Variants in TMPRSS11A observed in about 807,000 individuals in gnomAD.
TMPRSS11A encodes the protein transmembrane protease serine 11A.
Under a neutral mutation model 58.9 loss-of-function variants are expected in TMPRSS11A, and 53 were observed. The ratio of observed to expected loss-of-function variants is 0.90; its 90% confidence interval spans 0.72 to 1.13. TMPRSS11A has a LOEUF of 1.13. Ranked by LOEUF, TMPRSS11A falls within the 50% of genes most tolerant of loss-of-function variation. The pLI is 0.00. For missense variants in TMPRSS11A, 493 were observed against 499.3 expected, an observed-to-expected ratio of 0.99 and a Z score of 0.12; for synonymous variants, 167 against 169.8, an observed-to-expected ratio of 0.98 and a Z score of 0.13.
chr4:67,948,713 C>T (rs1428288340), intron 1 of TMPRSS11A, among the ~76,000 whole-genome samples: 1 of 152,140 alleles, frequency 6.6e-6, no homozygotes, highest in South Asian at 2.1e-4. Context: ...AATAGAACAA[C>T]AAACAGAAGT....
chr4:67,935,513 T>A (rs1247781754), intron 3 of TMPRSS11A, among the ~76,000 whole-genome samples: 1 of 152,138 alleles, frequency 6.6e-6, no homozygotes, highest in Non-Finnish European at 1.5e-5. Context: ...AAACATATAT[T>A]ATATATTTAT....
chr4:67,952,859 C>A (rs1021420970), intron 1 of TMPRSS11A, among the ~76,000 whole-genome samples: 2 of 152,086 alleles, frequency 1.3e-5, no homozygotes, highest in African/African-American at 2.4e-5. Flanking sequence ...AATAGTGTTT[C>A]CAAGTAGTGG....
intron 3 of TMPRSS11A, among the ~76,000 whole-genome samples, chr4:67,937,186 C>T (rs1373516101): frequency 6.6e-6 from 1 of 152,142 alleles, no homozygotes; most frequent in Non-Finnish European, 1.5e-5. Context: ...GTTCATATTA[C>T]TTCTTTTCTC....
chr4:67,912,662 C>T (rs892082556), intron 9 of TMPRSS11A, among the ~76,000 whole-genome samples: 4 of 152,156 alleles, frequency 2.6e-5, no homozygotes, highest in Non-Finnish European at 4.4e-5. Flanking sequence ...TTTCCACCAT[C>T]GTCTACCTTC....
chr4:67,924,178 G>C lies in TMPRSS11A; in HGVS notation c.482-12C>G. ...TGATGAGCTCATTGCTGAAAAAGAA[G>C]ATAAAACAAATAGTGATAATTTGAT... On this transcript the variant is annotated splice_polypyrimidine_tract_variant and intron_variant, in intron 5 of 9. Transcript: ENST00000508048. 3 of 1,612,030 alleles carry C rather than the reference G, an allele frequency of 1.9e-6. No individual in the cohort carries two copies. The highest frequency in any genetic ancestry group is 2.5e-6 in the Non-Finnish European group (3 of 1,178,436).
chr4:67,944,531 C>T lies in TMPRSS11A; in HGVS notation c.240G>A (p.Thr80=), dbSNP rs201498091. The T allele has an allele frequency of 1.8e-5, 29 of 1,607,620 alleles. No homozygotes were observed. Among genetic ancestry groups the T allele is most frequent in the Admixed American group, 1.4e-4 (8 of 59,026 alleles). The change falls in exon 3 of 10, where the codon ACG becomes ACA. Residue 80 remains threonine, a synonymous_variant. Coordinates refer to ENST00000508048, the MANE Select transcript of TMPRSS11A (RefSeq NM_001114387.2). ...TTACCTGACTCACCAAATTTTCGGT[C>T]GTCTCTCGTAAGTCCTTAAGTTGAT... ...NTYQLKDLRE[T]TENLVDEIFI... is the part of the protein sequence containing the mutation.
At position 67,929,962 on chromosome 4, in the gene TMPRSS11A, C is replaced by G; in HGVS notation, c.399G>C (p.Glu133Asp). ...FPSTEQRAVR[E>D]KKIQSILNQK... ...GATTTAAGATGCTTTGGATTTTCTT[C>G]TCTCTTACTGCCCTTTGTTCAGTAG... Residue 133 changes from glutamate (E) to aspartate (D), a missense_variant, in exon 5 of 10, where the codon GAG (glutamate) becomes GAC (aspartate). Glu to Asp is a conservative substitution (Grantham distance 45). Coordinates refer to ENST00000508048, the MANE Select transcript of TMPRSS11A (RefSeq NM_001114387.2). The G allele has an allele frequency of 6.2e-7, 1 of 1,613,916 alleles. No individual in the cohort carries two copies. Among genetic ancestry groups the G allele is most frequent in the Non-Finnish European group, 8.5e-7 (1 of 1,179,836 alleles).
In TMPRSS11A at chr4:67,955,842, T is replaced by C. The variant is rs370507723; in HGVS notation, c.11+7541A>G. On this transcript the variant is annotated intron_variant, in intron 1 of 9. Transcript: ENST00000508048. Reference sequence around the variant, plus strand: ...AGCTGTGCTATGACATTGAAACTCATGAAGCATTGTAAACTTATTTTCTGT... The same window carrying C: ...AGCTGTGCTATGACATTGAAACTCACGAAGCATTGTAAACTTATTTTCTGT... Among the ~76,000 whole-genome samples the C allele has an allele frequency of 4.6e-5, 7 of 152,300 alleles. No individual in the cohort carries two copies. In the East Asian group the frequency reaches 5.8e-4, roughly 13 times the overall value.
Position 67,909,664 on chromosome 4 carries a change from C to T in TMPRSS11A, c.*1678G>A, listed in dbSNP as rs1039242770. The T allele has an allele frequency of 6.6e-6, 1 of 152,066 alleles. No individual in the cohort carries two copies. Among genetic ancestry groups the T allele is most frequent in the African/African-American group, 2.4e-5 (1 of 41,424 alleles). The allele number at this position is 152,066 out of a possible 1,614,324, so 9.4% of individuals were successfully genotyped here. A position where few individuals can be genotyped will look rare whatever the true frequency, so the allele number is the denominator to read the frequency against. ...GGCAGCCAGCTGCCTAAATGAATCT[C>T]GTCATTTAAAATTCTTATCTTAAGA... is the stretch of plus-strand genomic sequence containing the variant. On this transcript the variant is annotated 3_prime_UTR_variant, in exon 10 of 10. Coordinates refer to ENST00000508048, the MANE Select transcript of TMPRSS11A (RefSeq NM_001114387.2).
Position 67,919,137 on chromosome 4 carries a change from T to C in TMPRSS11A, c.788A>G (p.Lys263Arg). The C allele has an allele frequency of 6.2e-7, 1 of 1,614,202 alleles. No individual in the cohort carries two copies. The highest frequency in any genetic ancestry group is 8.5e-7 in the Non-Finnish European group (1 of 1,180,022). ...GTACTCTCTTGCTGCAGAGCGGTACTTCTCATGGATAATAAATCTTCTGAC... is the reference window on the plus strand; with the variant it reads ...GTACTCTCTTGCTGCAGAGCGGTACCTCTCATGGATAATAAATCTTCTGAC... ...RNVRRFIIHE[K>R]YRSAAREYDI... is the part of the protein sequence containing the mutation. Residue 263 changes from lysine (K) to arginine (R), a missense_variant, in exon 8 of 10, where the codon AAG becomes AGG. Lys to Arg is a conservative substitution (Grantham distance 26). Coordinates refer to ENST00000508048, the MANE Select transcript of TMPRSS11A (RefSeq NM_001114387.2).
rs1720096615 is a variant in TMPRSS11A at position 67,914,614 on chromosome 4, T to C, written c.1069A>G (p.Met357Val). The C allele has an allele frequency of 6.2e-7, 1 of 1,613,732 alleles. No individual in the cohort carries two copies. The highest frequency in any genetic ancestry group is 8.5e-7 in the Non-Finnish European group (1 of 1,179,814). The change falls in exon 9 of 10, where the codon ATG (methionine) becomes GTG (valine). Residue 357 changes from methionine (M) to valine (V), a missense_variant. Met to Val is a conservative substitution (Grantham distance 21, BLOSUM62 1). Coordinates refer to ENST00000508048, the MANE Select transcript of TMPRSS11A (RefSeq NM_001114387.2). ...CTGCAGGCATCATAAATTCCTTCCA[T>C]ATATCCGGCACAGAACATTCCAGGT... ...IKPGMFCAGY[M>V]EGIYDACRGD...
intron 5 of TMPRSS11A, among the ~76,000 whole-genome samples, chr4:67,924,710 G>A (rs1156267311): frequency 6.6e-6 from 1 of 152,182 alleles, no homozygotes; most frequent in Admixed American, 6.5e-5. Flanking sequence ...CCAAGTGAAA[G>A]GGGAAGCCTC....
At chr4:67,920,445 C>T (rs1175983135) in intron 7 of TMPRSS11A, among the ~76,000 whole-genome samples, 2 of 150,352 alleles carry the variant, frequency 1.3e-5, no homozygotes, top group South Asian at 2.1e-4. Flanking sequence ...TTAAGGAAGA[C>T]ACTGACAAAG....
chr4:67,963,322 A>C, intron 1 of TMPRSS11A, 61 bp downstream of exon 1: 5 of 1,587,618 alleles, frequency 3.1e-6, no homozygotes, highest in Non-Finnish European at 4.3e-6. Flanking sequence ...ACACATCAGG[A>C]ATCCGGCCAC....
intron 4 of TMPRSS11A, among the ~76,000 whole-genome samples, chr4:67,930,764 A>C (rs1235364255): frequency 3.3e-5 from 5 of 149,716 alleles, no homozygotes; most frequent in Admixed American, 2.7e-4. Context: ...TAAAAAAAAA[A>C]ACAAAAAACC....
intron 3 of TMPRSS11A, among the ~76,000 whole-genome samples, chr4:67,936,537 G>C (rs185134844): frequency 1.5e-3 from 224 of 152,208 alleles, no homozygotes; most frequent in African/African-American, 5.2e-3. Flanking sequence ...TGTGGGTGTG[G>C]AGGGTGCCAT....
At chr4:67,920,549 A>ATATAT (rs371252656) in intron 7 of TMPRSS11A, among the ~76,000 whole-genome samples, 19,706 of 130,418 alleles carry the variant, frequency 0.15, 1,639 homozygotes, top group East Asian at 0.28. Flanking sequence ...ATATATATAT[A>ATATAT]TTTTTTTTTA....
chr4:67,916,927 C>T lies in TMPRSS11A; in HGVS notation c.952+2046G>A, dbSNP rs576700088. ...GTAAGTAGGTGACAGTGCAAATCCA[C>T]AACTTCTTCAGCAAACTAAACTGGT... On this transcript the variant is annotated intron_variant, in intron 8 of 9. Coordinates refer to ENST00000508048, the MANE Select transcript of TMPRSS11A (RefSeq NM_001114387.2). Among the ~76,000 whole-genome samples the T allele has an allele frequency of 2.6e-5, 4 of 152,264 alleles. No individual in the cohort carries two copies. In the East Asian group the frequency reaches 7.7e-4, roughly 29 times the overall value.
intron 5 of TMPRSS11A, among the ~76,000 whole-genome samples, chr4:67,927,258 C>G (rs1720498867): frequency 6.6e-6 from 1 of 152,196 alleles, no homozygotes; most frequent in Non-Finnish European, 1.5e-5. Flanking sequence ...AAAGCTGCAG[C>G]CCTTTAGGGA....
Sources: gnomAD v4.1 joint callset for allele counts (sites outside exome capture counted in the v4.1 genomes callset) on GRCh38, gnomAD v4.1.1 for gene constraint, MANE v1.5 for transcripts, NCBI Gene and HGNC (gene_info 2026-07-23, HGNC 2026-07-21) for gene names.